The following IL22RA2 variants were observed in gnomAD, a reference collection of about 807,000 sequenced individuals.
IL22RA2 encodes interleukin-22 receptor subunit alpha-2.
IL22RA2 carries 39 observed loss-of-function variants against 30.7 expected under a neutral mutation model. The observed-to-expected ratio is 1.27, with a 90% CI of 0.98 to 1.66. The LOEUF is 1.66. IL22RA2 is among the 40% of genes most tolerant of loss of function. The pLI, the probability that IL22RA2 is intolerant of heterozygous loss-of-function variation, is 0.00. For missense variants in IL22RA2, 315 were observed against 312.7 expected (o/e 1.01, Z -0.05); for synonymous variants, 103 against 105.0 (o/e 0.98, Z 0.11).
At chr6:137,157,079 A>T (rs1778421950) in intron 3 of IL22RA2, among the ~76,000 whole-genome samples, 1 of 152,116 alleles carries the variant, frequency 6.6e-6, no homozygotes, top group South Asian at 2.1e-4. Context: ...ACACCACCAC[A>T]CTAAGGATCA....
At chr6:137,169,845 T>C (rs1045199960) in intron 1 of IL22RA2, among the ~76,000 whole-genome samples, 4 of 152,194 alleles carry the variant, frequency 2.6e-5, no homozygotes, top group Non-Finnish European at 5.9e-5. Flanking sequence ...GAAAACTTAA[T>C]TTAACAAATT....
At position 137,147,897 on chromosome 6, in the gene IL22RA2, GA is replaced by G. The variant is rs749754864; in HGVS notation, c.473-7del. 1.9e-6 allele frequency: 3 copies of G among 1,603,428 alleles called. No individual in the cohort carries two copies. The African/African-American group carries it at 4.1e-5, about 22-fold the overall frequency. ...GACTGGAGGATCTATTTTTGCTGAAGAAAAAACATAAAAATTTGACAAATCA... is the reference window on the plus strand; with the variant it reads ...GACTGGAGGATCTATTTTTGCTGAAGAAAAACATAAAAATTTGACAAATCA... On this transcript the variant is annotated splice_polypyrimidine_tract_variant and splice_region_variant and intron_variant, in intron 5 of 6. Transcript: ENST00000296980.
chr6:137,145,109 A>T lies in IL22RA2; in HGVS notation c.*515T>A, dbSNP rs931218356. ...TAATAATAATAAATATATAAAAAGT[A>T]TATTCATATAAAATAGAAATGTATG... On this transcript the variant is annotated 3_prime_UTR_variant, in exon 7 of 7. Transcript: ENST00000296980. The T allele has an allele frequency of 6.6e-5, 10 of 151,560 alleles. No individual in the cohort carries two copies. Among genetic ancestry groups the T allele is most frequent in the African/African-American group, 2.2e-4 (9 of 41,490 alleles). The allele number at this position is 151,560 out of a possible 1,614,324, so 9.4% of individuals were successfully genotyped here.
rs536788042 is a variant in IL22RA2, at chr6:137,154,451, C to T, written c.472+490G>A. Among the ~76,000 whole-genome samples the T allele has an allele frequency of 3.3e-5, 5 of 152,260 alleles. No homozygotes were observed. The East Asian group carries it at 9.7e-4, about 29-fold the overall frequency. On this transcript the variant is annotated intron_variant, in intron 5 of 6. Transcript: ENST00000296980. ...CCAATATGATGAAACCCCGTCTCTA[C>T]TAAAAATACAAAAATTAGCCAAGGG...
rs1778415152 is a variant in IL22RA2, at chr6:137,156,766, A to C, written c.286T>G (p.Leu96Val). 2.5e-6 allele frequency: 4 copies of C among 1,613,632 alleles called. No homozygotes were observed. Among genetic ancestry groups the C allele is most frequent in the Non-Finnish European group, 2.5e-6 (3 of 1,179,662 alleles). The change falls in exon 4 of 7, where the codon TTG becomes GTG. Residue 96 changes from leucine to valine, a missense_variant. Transcript: ENST00000296980. ...ISCNFPGCRT[L>V]AKYGQRQWKN... is the part of the protein sequence containing the mutation. ...TAAGGAAAAGAGGTGTACTTAGCCAATGTTCTGCAGCCTGGGAAGTTACAA... is the reference window on the plus strand; with the variant it reads ...TAAGGAAAAGAGGTGTACTTAGCCACTGTTCTGCAGCCTGGGAAGTTACAA...
At chr6:137,145,795 A>G (rs1778168095) in intron 6 of IL22RA2, 22 bp from the exon 7 acceptor site, 1 of 1,613,326 alleles carries the variant, frequency 6.2e-7, no homozygotes, top group African/African-American at 1.3e-5. Context: ...AGAGAAAATA[A>G]TCAGTTGGTA....
intron 1 of IL22RA2, among the ~76,000 whole-genome samples, chr6:137,169,446 A>C (rs1778690683): frequency 6.6e-6 from 1 of 152,218 alleles, no homozygotes. Flanking sequence ...TAGGAACAAT[A>C]AGGCCATTCT....
intron 5 of IL22RA2, among the ~76,000 whole-genome samples, chr6:137,153,187 C>T (rs1778326654): frequency 2.0e-5 from 3 of 152,198 alleles, no homozygotes; most frequent in Admixed American, 2.0e-4. Flanking sequence ...CATAGTACTC[C>T]ACAATACATT....
At chr6:137,155,168 G>T in intron 4 of IL22RA2, 49 bp from the exon 5 acceptor site, 1 of 1,372,498 alleles carries the variant, frequency 7.3e-7, no homozygotes, top group South Asian at 1.5e-5. Flanking sequence ...TCCACTCAAG[G>T]AGTCTTCAGT....
chr6:137,156,518 A>G (rs1778410225), intron 4 of IL22RA2, among the ~76,000 whole-genome samples: 1 of 152,236 alleles, frequency 6.6e-6, no homozygotes, highest in Admixed American at 6.5e-5. Flanking sequence ...TTTTAAAATA[A>G]TATCTCATTG....
At position 137,158,444 on chromosome 6, in the gene IL22RA2, C is replaced by T. The variant is rs772427516; in HGVS notation, c.100G>A (p.Val34Ile). 87 of 1,614,002 alleles carry T rather than the reference C, an allele frequency of 5.4e-5. No homozygotes were observed. Among genetic ancestry groups the T allele is most frequent in the South Asian group, 2.6e-4 (24 of 91,070 alleles). Residue 34 changes from valine to isoleucine, a missense_variant, in exon 3 of 7, where the codon GTA becomes ATA. Physicochemically the swap from Val to Ile is conservative, Grantham distance 29 (BLOSUM62 3). Transcript: ENST00000296980. ...STHESLKPQR[V>I]QFQSRNFHNI... ...TGAAAATTTCGGGACTGAAATTGTA[C>T]CCTCTGAGGCTTCAGAGACTCATGC...
intron 1 of IL22RA2, among the ~76,000 whole-genome samples, chr6:137,167,097 G>C (rs1219329690): frequency 6.6e-6 from 1 of 152,220 alleles, no homozygotes; most frequent in East Asian, 1.9e-4. Flanking sequence ...ATTATTCCTA[G>C]ATTTCGACTG....
chr6:137,157,326 T>C (rs1236643659), intron 3 of IL22RA2, among the ~76,000 whole-genome samples: 4 of 152,190 alleles, frequency 2.6e-5, no homozygotes, highest in Non-Finnish European at 5.9e-5. Flanking sequence ...ATCTTTACTT[T>C]CTGCATGCTG....
At chr6:137,163,524 C>T (rs1385332456) in intron 1 of IL22RA2, among the ~76,000 whole-genome samples, 1 of 152,252 alleles carries the variant, frequency 6.6e-6, no homozygotes, top group South Asian at 2.1e-4. Context: ...GAGCCTTCCT[C>T]CAACAGTGCA....
At chr6:137,156,961 A>G in intron 3 of IL22RA2, 107 bp from the exon 4 acceptor site, 1 of 1,467,544 alleles carries the variant, frequency 6.8e-7, no homozygotes, top group Admixed American at 1.9e-5. Context: ...TGACAAATTC[A>G]GTCTTGCAAG....
At chr6:137,159,673 C>A (rs1341087741) in intron 2 of IL22RA2, among the ~76,000 whole-genome samples, 1 of 152,166 alleles carries the variant, frequency 6.6e-6, no homozygotes, top group African/African-American at 2.4e-5. Flanking sequence ...GTCACCCCGA[C>A]CCCTGTGTTT....
At chr6:137,157,806 C>T (rs767780732) in intron 3 of IL22RA2, among the ~76,000 whole-genome samples, 14 of 151,898 alleles carry the variant, frequency 9.2e-5, no homozygotes, top group Middle Eastern at 3.2e-3. Context: ...GCAGGAGTAG[C>T]CTGAGGATCA....
At chr6:137,170,770 GA>G (rs768415167) in intron 1 of IL22RA2, among the ~76,000 whole-genome samples, 9 of 152,080 alleles carry the variant, frequency 5.9e-5, no homozygotes, top group Non-Finnish European at 1.2e-4. Flanking sequence ...GCGTGATTCA[GA>G]AGGGATGTAT....
chr6:137,155,592 C>T (rs917171058), intron 4 of IL22RA2, among the ~76,000 whole-genome samples: 3 of 151,902 alleles, frequency 2.0e-5, no homozygotes, highest in Non-Finnish European at 2.9e-5. Flanking sequence ...CACATTAATT[C>T]GTTAATCCAT....
Sources: allele counts gnomAD v4.1 joint callset (sites outside exome capture counted in the v4.1 genomes callset), GRCh38; gene constraint gnomAD v4.1.1; transcripts MANE v1.5; gene names NCBI Gene and HGNC (gene_info 2026-07-23, HGNC 2026-07-21).